ATRN: variants seen among roughly 807,000 people sequenced by gnomAD.
The protein encoded by ATRN is attractin-2.
In ATRN, 54 loss-of-function variants were observed where a neutral mutation model predicts 178.7. That is an observed-to-expected ratio of 0.30 (90% CI 0.24 to 0.38). The LOEUF is 0.38. Among genes scored for constraint, ATRN ranks in the 10% least tolerant of loss-of-function variants. The probability of loss-of-function intolerance (pLI) is 1.00; values close to 1 mark genes in which losing one functional copy is unlikely to be tolerated. For synonymous variants in ATRN, 636 were observed against 663.0 expected, an observed-to-expected ratio of 0.96 and a Z score of 0.63; for missense variants, 1,443 against 1,815.1, an observed-to-expected ratio of 0.79 and a Z score of 3.73.
chr20:3,490,611 A>G (rs527880471), intron 1 of ATRN: 3 of 1,008,900 alleles, frequency 3.0e-6, no homozygotes, highest in East Asian at 2.4e-5. Context: ...GGTAACGACC[A>G]TATCCCTCTT....
At chr20:3,554,310 TTTATTTATTTA>T (rs2085832656) in intron 6 of ATRN, among the ~76,000 whole-genome samples, 1 of 136,942 alleles carries the variant, frequency 7.3e-6, no homozygotes. Context: ...CAGATTTTTA[TTTATTTATTTA>T]TTTATTTATT....
intron 1 of ATRN, among the ~76,000 whole-genome samples, chr20:3,528,394 C>G (rs777207125): frequency 6.6e-6 from 1 of 151,872 alleles, no homozygotes; most frequent in Non-Finnish European, 1.5e-5. Flanking sequence ...TACATATACT[C>G]CGTGGAATAC....
At chr20:3,480,120 T>C (rs1170041873) in intron 1 of ATRN, among the ~76,000 whole-genome samples, 1 of 152,150 alleles carries the variant, frequency 6.6e-6, no homozygotes, top group Non-Finnish European at 1.5e-5. Flanking sequence ...GGTTGTAAGG[T>C]TATAATGGCC....
intron 1 of ATRN, among the ~76,000 whole-genome samples, chr20:3,482,351 A>G (rs992758729): frequency 6.6e-6 from 1 of 152,124 alleles, no homozygotes; most frequent in South Asian, 2.1e-4. Context: ...TGTGCTATTA[A>G]AAATAGTTTT....
intron 2 of ATRN, among the ~76,000 whole-genome samples, chr20:3,539,832 C>A (rs1420806023): frequency 6.6e-6 from 1 of 151,986 alleles, no homozygotes; most frequent in Non-Finnish European, 1.5e-5. Context: ...CTTTTGCCAG[C>A]CAGTGTCCTG....
rs1441413884 is a variant in ATRN, at chr20:3,562,268, C to G, written c.1448-8C>G. 15 of 1,606,830 alleles carry G rather than the reference C, an allele frequency of 9.3e-6. No individual in the cohort carries two copies. Among genetic ancestry groups the G allele is most frequent in the East Asian group, 6.7e-5 (3 of 44,746 alleles). On this transcript the variant is annotated splice_polypyrimidine_tract_variant and splice_region_variant and intron_variant, in intron 8 of 28. Transcript: ENST00000262919. ...CCATGCTTGCCTTTAACTGTCTTTC[C>G]TTTCCAGATAAGAACACATGGAGTA...
chr20:3,506,624 CAAAA>C (rs1234061588), intron 1 of ATRN, among the ~76,000 whole-genome samples: 1 of 84,256 alleles, frequency 1.2e-5, no homozygotes, highest in South Asian at 3.6e-4. Flanking sequence ...GACTACATCT[CAAAA>C]AAAAAAAAAA....
chr20:3,598,131 A>G (rs2086557293), intron 22 of ATRN, 131 bp downstream of exon 22: 2 of 606,318 alleles, frequency 3.3e-6, no homozygotes, highest in Admixed American at 2.7e-5. Context: ...CTAGAGGTAT[A>G]GGAAAGAAAT....
At chr20:3,538,704 A>G (rs190652792) in intron 2 of ATRN, among the ~76,000 whole-genome samples, 176 of 152,196 alleles carry the variant, frequency 1.2e-3, no homozygotes, top group African/African-American at 4.0e-3. Context: ...ATCCATCACC[A>G]GACTGCTTTT....
At chr20:3,553,649 C>T (rs1175269341) in intron 6 of ATRN, among the ~76,000 whole-genome samples, 2 of 152,202 alleles carry the variant, frequency 1.3e-5, no homozygotes, top group African/African-American at 2.4e-5. Context: ...CCATCATTCA[C>T]AGCACTCCTG....
chr20:3,641,915 G>A (rs2087072307), intron 27 of ATRN, among the ~76,000 whole-genome samples: 1 of 152,162 alleles, frequency 6.6e-6, no homozygotes, highest in Non-Finnish European at 1.5e-5. Flanking sequence ...GTAAATAAAA[G>A]TATAATCATA....
intron 16 of ATRN, among the ~76,000 whole-genome samples, chr20:3,583,272 G>A (rs2086305743): frequency 6.6e-6 from 1 of 152,154 alleles, no homozygotes; most frequent in East Asian, 1.9e-4. Context: ...ACATATTCAA[G>A]TGGATTGTAA....
At chr20:3,639,402 G>A (rs747071361) in intron 27 of ATRN, among the ~76,000 whole-genome samples, 84 of 152,066 alleles carry the variant, frequency 5.5e-4, no homozygotes, top group Non-Finnish European at 8.4e-4. Flanking sequence ...ACCGATGTGC[G>A]CAACCACGCC....
At chr20:3,498,730 T>C (rs1216862485) in intron 1 of ATRN, among the ~76,000 whole-genome samples, 1 of 151,754 alleles carries the variant, frequency 6.6e-6, no homozygotes, top group Non-Finnish European at 1.5e-5. Context: ...AATATCATAC[T>C]GAATAGGCAA....
At chr20:3,581,362 G>GTT (rs1038639209) in intron 15 of ATRN, among the ~76,000 whole-genome samples, 2 of 152,164 alleles carry the variant, frequency 1.3e-5, no homozygotes, top group Admixed American at 6.5e-5. Flanking sequence ...TTTAAAACTT[G>GTT]TTAAAAATTG....
At chr20:3,520,920 A>T (rs1447025236) in intron 1 of ATRN, among the ~76,000 whole-genome samples, 1 of 152,264 alleles carries the variant, frequency 6.6e-6, no homozygotes, top group African/African-American at 2.4e-5. Context: ...CTAAATGTGA[A>T]TAAATTATGT....
At chr20:3,476,808 C>T (rs1417679365) in intron 1 of ATRN, among the ~76,000 whole-genome samples, 4 of 152,156 alleles carry the variant, frequency 2.6e-5, no homozygotes, top group Admixed American at 1.3e-4. Context: ...TGCAGTGAGC[C>T]GAGATTGTGC....
chr20:3,562,638 C>T (rs1026595693), intron 9 of ATRN, among the ~76,000 whole-genome samples, 179 bp downstream of exon 9: 3 of 152,046 alleles, frequency 2.0e-5, no homozygotes, highest in Admixed American at 6.6e-5. Flanking sequence ...TATTTTGTTA[C>T]GTTATTCTGT....
At chr20:3,491,197 A>G (rs1408175653) in intron 1 of ATRN, among the ~76,000 whole-genome samples, 1 of 152,096 alleles carries the variant, frequency 6.6e-6, no homozygotes, top group Non-Finnish European at 1.5e-5. Flanking sequence ...TCTTCTCCAA[A>G]TGTGGCCTCA....
Sources: allele counts gnomAD v4.1 joint callset (sites outside exome capture counted in the v4.1 genomes callset), GRCh38; gene constraint gnomAD v4.1.1; transcripts MANE v1.5; gene names NCBI Gene and HGNC (gene_info 2026-07-23, HGNC 2026-07-21).